SCARA3: variants seen among roughly 807,000 people sequenced by gnomAD.
SCARA3 encodes the protein scavenger receptor class A member 3.
SCARA3 carries 39 observed loss-of-function variants against 47.0 expected under a neutral mutation model. The observed-to-expected ratio is 0.83, with a 90% CI of 0.64 to 1.08. The LOEUF (loss-of-function observed/expected upper bound fraction) is 1.08. Among genes scored for constraint, SCARA3 ranks in the 50% least tolerant of loss-of-function variants. SCARA3 has a pLI of 0.00. For missense variants in SCARA3, 724 were observed against 792.3 expected, an observed-to-expected ratio of 0.91 and a Z score of 1.04; for synonymous variants, 356 against 334.1, an observed-to-expected ratio of 1.07 and a Z score of -0.71.
In SCARA3 at chr8:27,672,580, C is replaced by T. The variant is rs549863829; in HGVS notation, c.*1229C>T. 1.9e-5 allele frequency: 19 copies of T among 985,680 alleles called. No homozygotes were observed. The South Asian group carries it at 8.5e-4, about 44-fold the overall frequency. 61.1% of individuals were successfully genotyped at this position (985,680 alleles called of 1,614,324 possible). ...TTGTCCCACCGGGACCCACAATGGC[C>T]CGAGCCCTCTTTGCATGGGCAGCCA... On this transcript the variant is annotated 3_prime_UTR_variant, in exon 6 of 6. Transcript: ENST00000301904.
At chr8:27,664,298 C>A (rs1420129640) in intron 5 of SCARA3, among the ~76,000 whole-genome samples, 1 of 152,210 alleles carries the variant, frequency 6.6e-6, no homozygotes, top group Non-Finnish European at 1.5e-5. Flanking sequence ...AGAACAAAGG[C>A]AATTTAAAGC....
chr8:27,707,262 G>T, the SCARA3 span, among the ~76,000 whole-genome samples: 3 of 152,106 alleles, frequency 2.0e-5, no homozygotes, highest in East Asian at 1.9e-4. Flanking sequence ...TTTTGAGTGG[G>T]GTTGAAGTCC....
At chr8:27,724,595 T>C in the SCARA3 span, among the ~76,000 whole-genome samples, 1 of 152,070 alleles carries the variant, frequency 6.6e-6, no homozygotes, top group African/African-American at 2.4e-5. Flanking sequence ...GAGGCAGAGG[T>C]TGCCGTGAGC....
chr8:27,634,844 G>A lies in SCARA3; in HGVS notation c.7+637G>A, dbSNP rs1038030050. Among the ~76,000 whole-genome samples, 3 of 151,370 alleles carry A rather than the reference G, an allele frequency of 2.0e-5. No homozygotes were observed. The South Asian group carries it at 6.2e-4, about 31-fold the overall frequency. On this transcript the variant is annotated intron_variant, in intron 1 of 5. Coordinates refer to ENST00000301904, the MANE Select transcript of SCARA3 (RefSeq NM_016240.3). ...GGGTGGCCCTTGCAGCCAGTTCTTG[G>A]GATGGAAATAAGAACCAGACATGAT...
rs201532906 is a variant in SCARA3 at position 27,659,565 on chromosome 8, G to C, written c.1369+26G>C. ...GTAAGAGCTGGGTCCAGGTAGGGCTGCTACAAAGCTTCCACTGAGGCTTGG... is the reference window on the plus strand; with the variant it reads ...GTAAGAGCTGGGTCCAGGTAGGGCTCCTACAAAGCTTCCACTGAGGCTTGG... On this transcript the variant is annotated intron_variant, in intron 5 of 5. Transcript: ENST00000301904. 7.1e-6 allele frequency: 11 copies of C among 1,556,124 alleles called. No homozygotes were observed. The East Asian group carries it at 2.5e-4, about 36-fold the overall frequency.
the SCARA3 span, among the ~76,000 whole-genome samples, chr8:27,720,173 G>A: frequency 2.7e-5 from 4 of 148,118 alleles, no homozygotes; most frequent in African/African-American, 7.3e-5. Flanking sequence ...CGAAAGCTAG[G>A]TGAGGAAGGA....
chr8:27,657,754 A>T (rs1281666393), intron 4 of SCARA3, among the ~76,000 whole-genome samples: 1 of 151,358 alleles, frequency 6.6e-6, no homozygotes, highest in Non-Finnish European at 1.5e-5. Flanking sequence ...GTTAGCCAGG[A>T]TGGTCTCGAT....
the SCARA3 span, chr8:27,703,844 C>CTTTTTTTTTTTTTTTTTTTT: frequency 9.2e-5 from 5 of 54,524 alleles, no homozygotes; most frequent in African/African-American, 3.3e-4. Flanking sequence ...GTGCTTTCTA[C>CTTTTTTTTTTTTTTTTTTTT]TTTTTTTTTT....
intron 3 of SCARA3, among the ~76,000 whole-genome samples, chr8:27,654,654 G>A (rs1801702837): frequency 6.7e-6 from 1 of 150,178 alleles, no homozygotes; most frequent in African/African-American, 2.5e-5. Context: ...AGTAGTCCTG[G>A]CGGCACATGC....
At chr8:27,649,589 G>C in intron 1 of SCARA3, 113 bp from the exon 2 acceptor site, 1 of 987,956 alleles carries the variant, frequency 1.0e-6, no homozygotes, top group South Asian at 1.4e-5. Flanking sequence ...CTGGAGCTCA[G>C]TGAGCTGGCT....
the SCARA3 span, among the ~76,000 whole-genome samples, chr8:27,708,832 C>G: frequency 1.3e-5 from 2 of 151,908 alleles, no homozygotes; most frequent in Non-Finnish European, 2.9e-5. Context: ...TTTTATACAA[C>G]TTTTTTAGTT....
the SCARA3 span, among the ~76,000 whole-genome samples, chr8:27,711,223 T>C: frequency 2.6e-5 from 4 of 152,170 alleles, no homozygotes; most frequent in African/African-American, 9.7e-5. Flanking sequence ...CACCAGGCCC[T>C]GGGCTCTCTT....
the SCARA3 span, among the ~76,000 whole-genome samples, chr8:27,728,808 G>A: frequency 1.3e-5 from 2 of 152,192 alleles, no homozygotes; most frequent in Non-Finnish European, 2.9e-5. Context: ...AGAATTACTT[G>A]AGCCCGGGAG....
the SCARA3 span, among the ~76,000 whole-genome samples, chr8:27,722,356 G>A: frequency 6.6e-6 from 1 of 152,108 alleles, no homozygotes; most frequent in Admixed American, 6.5e-5. Context: ...TGAAGACACA[G>A]GCAGCCTTGC....
At chr8:27,683,172 G>A in the SCARA3 span, among the ~76,000 whole-genome samples, 1 of 152,044 alleles carries the variant, frequency 6.6e-6, no homozygotes, top group African/African-American at 2.4e-5. Context: ...ACTGAGAGAA[G>A]CCATACAAAA....
At chr8:27,712,063 A>G in the SCARA3 span, among the ~76,000 whole-genome samples, 1 of 152,228 alleles carries the variant, frequency 6.6e-6, no homozygotes, top group Non-Finnish European at 1.5e-5. Context: ...AATTCCAGAA[A>G]GATAATTTAT....
At chr8:27,669,396 T>A (rs1266869463) in intron 5 of SCARA3, among the ~76,000 whole-genome samples, 1 of 152,186 alleles carries the variant, frequency 6.6e-6, no homozygotes, top group Non-Finnish European at 1.5e-5. Context: ...AGACAGACGC[T>A]ATGGCTGTGC....
Position 27,671,409 on chromosome 8 carries a change from C to G in SCARA3, c.*58C>G, listed in dbSNP as rs1802153252. On this transcript the variant is annotated 3_prime_UTR_variant, in exon 6 of 6. Coordinates refer to ENST00000301904, the MANE Select transcript of SCARA3 (RefSeq NM_016240.3). Reference sequence around the variant, plus strand: ...ATGCCGGAGGGGCGCAGAGCAGATCCAGGCCCCAGAAAGCCTCACCTACAG... The same window carrying G: ...ATGCCGGAGGGGCGCAGAGCAGATCGAGGCCCCAGAAAGCCTCACCTACAG... 7 of 1,351,710 alleles carry G rather than the reference C, an allele frequency of 5.2e-6. No individual in the cohort carries two copies. Among genetic ancestry groups the G allele is most frequent in the Non-Finnish European group, 6.6e-6 (7 of 1,057,560 alleles). The allele number at this position is 1,351,710 out of a possible 1,614,324, so 83.7% of individuals were successfully genotyped here.
chr8:27,715,600 T>C, the SCARA3 span, among the ~76,000 whole-genome samples: 2 of 142,636 alleles, frequency 1.4e-5, no homozygotes, highest in South Asian at 2.2e-4. This position sits in a 1 kb window ranked among gnomAD's most constrained non-coding sequence, Gnocchi z 4.2. Flanking sequence ...GATAGATAGA[T>C]AGATAGATAG....
Sources: allele counts gnomAD v4.1 joint callset (sites outside exome capture counted in the v4.1 genomes callset), GRCh38; gene constraint gnomAD v4.1.1; non-coding constraint Gnocchi (gnomAD v3.1); transcripts MANE v1.5; gene names NCBI Gene and HGNC (gene_info 2026-07-23, HGNC 2026-07-21).